Variants in PACRG observed in about 807,000 individuals in gnomAD.
The protein encoded by PACRG is parkin coregulated gene protein.
PACRG carries 29 observed loss-of-function variants against 29.7 expected under a neutral mutation model. The observed-to-expected ratio is 0.98, with a 90% CI of 0.73 to 1.33. PACRG has a LOEUF of 1.33. PACRG is among the 40% of genes most tolerant of loss of function. The pLI, the probability that PACRG is intolerant of heterozygous loss-of-function variation, is 0.00. For synonymous variants in PACRG, 116 were observed against 118.7 expected, an observed-to-expected ratio of 0.98 and a Z score of 0.15; for missense variants, 279 against 316.2, an observed-to-expected ratio of 0.88 and a Z score of 0.89.
chr6:163,100,755 T>C (rs1347099901), intron 4 of PACRG: 1 of 979,280 alleles, frequency 1.0e-6, no homozygotes, highest in African/African-American at 1.8e-5. Flanking sequence ...TAATTTTTAC[T>C]TTGACAGAAT....
In PACRG at chr6:162,777,988, A is replaced by G. The variant is rs1266779132; in HGVS notation, c.157-36159A>G. On this transcript the variant is annotated intron_variant, in intron 1 of 4. Coordinates refer to ENST00000366888, the MANE Select transcript of PACRG (RefSeq NM_001080379.2). The surrounding 1 kb of genome is among the most constrained non-coding windows in gnomAD (Gnocchi z 4.0). ...CCAAACACTGTTTTGGCCCGTAAGT[A>G]TGTAGTTGTGAGCTAACCGACACTA... Among the ~76,000 whole-genome samples the G allele has an allele frequency of 6.6e-6, 1 of 151,896 alleles. No individual in the cohort carries two copies. The highest frequency in any genetic ancestry group is 1.5e-5 in the Non-Finnish European group (1 of 68,016).
intron 2 of PACRG, among the ~76,000 whole-genome samples, chr6:162,899,691 G>A (rs1328312601): frequency 6.6e-6 from 1 of 152,190 alleles, no homozygotes; most frequent in East Asian, 1.9e-4. Flanking sequence ...CAGATGAAAT[G>A]TAATGAGGGC....
chr6:162,759,728 T>G (rs536295378), intron 1 of PACRG, among the ~76,000 whole-genome samples: 17 of 152,328 alleles, frequency 1.1e-4, no homozygotes, highest in Non-Finnish European at 2.1e-4. Context: ...TACTGGAAAT[T>G]CACTCAATAG....
At chr6:163,244,432 C>T (rs1406986186) in intron 4 of PACRG, among the ~76,000 whole-genome samples, 1 of 152,172 alleles carries the variant, frequency 6.6e-6, no homozygotes, top group Non-Finnish European at 1.5e-5. Flanking sequence ...AAATACACTG[C>T]CGTGCCTTGC....
chr6:163,220,583 A>T (rs1426198128), intron 4 of PACRG, among the ~76,000 whole-genome samples: 1 of 152,242 alleles, frequency 6.6e-6, no homozygotes, highest in Non-Finnish European at 1.5e-5. Flanking sequence ...AAATTAAATT[A>T]GGTAAGAAAA....
intron 2 of PACRG, among the ~76,000 whole-genome samples, chr6:162,819,188 T>C (rs115144380): frequency 3.5e-4 from 53 of 152,286 alleles, no homozygotes; most frequent in African/African-American, 1.2e-3. Flanking sequence ...TATGTGAGAA[T>C]GGACTTAGGT....
chr6:163,276,843 G>A (rs557438495), intron 4 of PACRG, among the ~76,000 whole-genome samples: 9 of 152,226 alleles, frequency 5.9e-5, no homozygotes, highest in East Asian at 1.9e-4. Flanking sequence ...CTTCCCAGCC[G>A]TCAGAACTGT....
intron 4 of PACRG, among the ~76,000 whole-genome samples, chr6:163,285,499 C>T (rs187146109): frequency 6.6e-6 from 1 of 152,292 alleles, no homozygotes; most frequent in Admixed American, 6.5e-5. Context: ...TTCTGTCAAC[C>T]ACTGTATCCT....
At chr6:163,070,384 GA>G (rs1027595388) in intron 3 of PACRG, among the ~76,000 whole-genome samples, 9 of 151,630 alleles carry the variant, frequency 5.9e-5, no homozygotes, top group Admixed American at 2.6e-4. Context: ...AATACAAATA[GA>G]AAAAAAAGTT....
chr6:162,766,209 G>A (rs1562575604), intron 1 of PACRG, among the ~76,000 whole-genome samples: 1 of 152,010 alleles, frequency 6.6e-6, no homozygotes, highest in Non-Finnish European at 1.5e-5. Flanking sequence ...ATTGACCAAC[G>A]CCTCCTCTTT....
intron 4 of PACRG, among the ~76,000 whole-genome samples, chr6:163,265,927 T>A (rs1783516386): frequency 6.6e-6 from 1 of 152,226 alleles, no homozygotes; most frequent in Admixed American, 6.5e-5. Flanking sequence ...AAATAAAAAT[T>A]TGACCCATAA....
At chr6:163,093,369 A>G (rs932321772) in intron 4 of PACRG, among the ~76,000 whole-genome samples, 2 of 152,246 alleles carry the variant, frequency 1.3e-5, no homozygotes, top group African/African-American at 4.8e-5. Context: ...CCTTGGATGC[A>G]TTTGTCATAC....
intron 2 of PACRG, among the ~76,000 whole-genome samples, chr6:162,818,236 G>A (rs950996096): frequency 6.6e-6 from 1 of 152,172 alleles, no homozygotes; most frequent in Non-Finnish European, 1.5e-5. Context: ...AGTGAGAAAA[G>A]AGCTAAGCTG....
intron 4 of PACRG, among the ~76,000 whole-genome samples, chr6:163,216,284 T>A (rs1016878306): frequency 6.6e-6 from 1 of 152,044 alleles, no homozygotes; most frequent in Non-Finnish European, 1.5e-5. Context: ...CTGTCCCCAG[T>A]GGAGCCAGCA....
intron 4 of PACRG, among the ~76,000 whole-genome samples, chr6:163,096,133 G>A (rs910005030): frequency 1.3e-5 from 2 of 152,162 alleles, no homozygotes; most frequent in Non-Finnish European, 2.9e-5. Context: ...GTTTTGAGTA[G>A]GGGAGATGCA....
chr6:163,244,932 C>A, intron 4 of PACRG: 1 of 355,588 alleles, frequency 2.8e-6, no homozygotes, highest in Non-Finnish European at 5.7e-6. Flanking sequence ...TTATGCTTCT[C>A]TTTTTAGTAA....
At chr6:162,999,295 ATCCTAGC>A (rs1340554818) in intron 2 of PACRG, among the ~76,000 whole-genome samples, 10 of 152,202 alleles carry the variant, frequency 6.6e-5, no homozygotes, top group African/African-American at 2.2e-4. Flanking sequence ...CAGAATGCAA[ATCCTAGC>A]TCTGGTCCTC....
At chr6:163,050,054 A>G (rs1462693976) in intron 2 of PACRG, among the ~76,000 whole-genome samples, 1 of 152,088 alleles carries the variant, frequency 6.6e-6, no homozygotes, top group Non-Finnish European at 1.5e-5. Context: ...TTTCCCTTTT[A>G]TGATAATCTC....
chr6:163,274,645 C>T (rs968931516), intron 4 of PACRG, among the ~76,000 whole-genome samples: 57 of 152,196 alleles, frequency 3.7e-4, no homozygotes, highest in Non-Finnish European at 6.5e-4. Context: ...TACAGTCCCA[C>T]CAACAGTGTA....
Sources: gnomAD v4.1 joint callset for allele counts (sites outside exome capture counted in the v4.1 genomes callset) on GRCh38, gnomAD v4.1.1 for gene constraint, Gnocchi (gnomAD v3.1) non-coding constraint, MANE v1.5 for transcripts, NCBI Gene and HGNC (gene_info 2026-07-23, HGNC 2026-07-21) for gene names.